PRKAR1A: variants seen among roughly 807,000 people sequenced by gnomAD.
PRKAR1A encodes cAMP-dependent protein kinase type I-alpha regulatory subunit.
A neutral mutation model predicts 52.0 loss-of-function variants in PRKAR1A; 3 were observed. The ratio of observed to expected loss-of-function variants is 0.06; its 90% CI spans 0.03 to 0.15. The LOEUF (loss-of-function observed/expected upper bound fraction) is 0.15, where lower values mean the gene tolerates loss of function less well. Ranked by LOEUF, PRKAR1A falls within the 10% of genes least tolerant of loss-of-function variation. The pLI is 1.00. For missense variants in PRKAR1A, 240 were observed against 477.4 expected (o/e 0.50, Z 4.63); for synonymous variants, 188 against 168.4 (o/e 1.12, Z -0.90).
rs530631063 is a variant in PRKAR1A at position 68,517,979 on chromosome 17, G to A, written c.177+2403G>A. Reference sequence around the variant, plus strand: ...GGGAGTATAGACCCCGTGCAAATCCGAAATCCAACGAGGCAGTAATTAAAT... The same window carrying A: ...GGGAGTATAGACCCCGTGCAAATCCAAAATCCAACGAGGCAGTAATTAAAT... On this transcript the variant is annotated intron_variant, in intron 2 of 10. Coordinates refer to ENST00000589228, the MANE Select transcript of PRKAR1A (RefSeq NM_002734.5). Among the ~76,000 whole-genome samples the A allele has an allele frequency of 3.2e-4, 48 of 152,296 alleles. 1 individual carries two copies. The highest frequency in any genetic ancestry group is 1.9e-3 in the South Asian group (9 of 4,828).
At chr17:68,490,121 C>T in the PRKAR1A span, among the ~76,000 whole-genome samples, 4 of 152,208 alleles carry the variant, frequency 2.6e-5, no homozygotes, top group Admixed American at 1.3e-4. Context: ...TTGTTGATGA[C>T]GATGTCTGGT....
At chr17:68,498,060 G>A in the PRKAR1A span, among the ~76,000 whole-genome samples, 4 of 151,680 alleles carry the variant, frequency 2.6e-5, no homozygotes, top group African/African-American at 2.4e-5. Flanking sequence ...CTAAACACAG[G>A]TGTGATGGGG....
the PRKAR1A span, among the ~76,000 whole-genome samples, chr17:68,444,985 A>G: frequency 1.4e-5 from 2 of 142,376 alleles, no homozygotes; most frequent in Admixed American, 7.4e-5. Context: ...CAGTGGCGCA[A>G]TCTCAGCTCA....
chr17:68,551,053 G>GC (rs2086811907), intron 11 of PRKAR1A: 1 of 1,232,910 alleles, frequency 8.1e-7, no homozygotes, highest in Admixed American at 4.2e-5. Context: ...GGGTAACGTG[G>GC]CCCCTCTTGG....
intron 2 of PRKAR1A, among the ~76,000 whole-genome samples, chr17:68,517,772 C>T (rs1270987107): frequency 2.6e-5 from 4 of 152,214 alleles, no homozygotes; most frequent in African/African-American, 7.2e-5. Flanking sequence ...GCCTTTCCAA[C>T]AGTCCCTCAG....
At chr17:68,515,803 A>G (rs570252130) in intron 2 of PRKAR1A, 14 of 567,530 alleles carry the variant, frequency 2.5e-5, no homozygotes, top group African/African-American at 5.6e-5. Flanking sequence ...GTACTTGGCT[A>G]ATAAAGGGTT....
chr17:68,518,767 C>A (rs1460873108), intron 2 of PRKAR1A, among the ~76,000 whole-genome samples: 3 of 152,216 alleles, frequency 2.0e-5, no homozygotes, highest in Non-Finnish European at 4.4e-5. Flanking sequence ...GCTTGAATTT[C>A]TCCCCAGAAA....
chr17:68,457,201 T>TC, the PRKAR1A span: 1 of 970,780 alleles, frequency 1.0e-6, no homozygotes, highest in Non-Finnish European at 1.5e-6. Flanking sequence ...GATAACAAGA[T>TC]CCCAATGCGT....
chr17:68,481,908 C>T, the PRKAR1A span, among the ~76,000 whole-genome samples: 5 of 152,144 alleles, frequency 3.3e-5, no homozygotes, highest in African/African-American at 9.7e-5. Context: ...ATATGTGTGT[C>T]GAGTGCTTGC....
chr17:68,426,242 T>TAG, the PRKAR1A span: 2 of 669,002 alleles, frequency 3.0e-6, no homozygotes, highest in Non-Finnish European at 4.4e-6. Flanking sequence ...ACCTGGCGGG[T>TAG]GGGGAGCGGG....
At chr17:68,430,161 C>T in the PRKAR1A span, 3 of 1,611,550 alleles carry the variant, frequency 1.9e-6, no homozygotes, top group Non-Finnish European at 2.5e-6. Flanking sequence ...TTCTGGTCGA[C>T]TAGGGAGTAA....
At chr17:68,467,263 A>G in the PRKAR1A span, among the ~76,000 whole-genome samples, 2 of 152,194 alleles carry the variant, frequency 1.3e-5, no homozygotes, top group African/African-American at 4.8e-5. Flanking sequence ...TCTCTTGAGA[A>G]CACTCTGAAC....
chr17:68,453,503 G>T, the PRKAR1A span, among the ~76,000 whole-genome samples: 1 of 148,398 alleles, frequency 6.7e-6, no homozygotes, highest in Admixed American at 6.7e-5. Context: ...TTTTGAGAGG[G>T]AGTCTCGCTC....
intron 11 of PRKAR1A, among the ~76,000 whole-genome samples, chr17:68,547,616 C>T (rs2086630133): frequency 6.6e-6 from 1 of 152,238 alleles, no homozygotes; most frequent in Non-Finnish European, 1.5e-5. Context: ...CTGCTATCTT[C>T]CAAGTTTTCT....
downstream of PRKAR1A, chr17:68,536,088 A>G: frequency 2.2e-6 from 1 of 454,100 alleles, no homozygotes; most frequent in Admixed American, 2.3e-5. Context: ...AGAGACACAA[A>G]GTCCAGGGGC....
At chr17:68,440,194 A>C in the PRKAR1A span, among the ~76,000 whole-genome samples, 2 of 152,182 alleles carry the variant, frequency 1.3e-5, no homozygotes, top group African/African-American at 4.8e-5. Context: ...TTAGACAAGG[A>C]ATCCTGCCTT....
At chr17:68,495,138 C>T in the PRKAR1A span, among the ~76,000 whole-genome samples, 7 of 152,220 alleles carry the variant, frequency 4.6e-5, no homozygotes, top group South Asian at 4.2e-4. Context: ...GAGGTCCTCC[C>T]GCTTCAGCCT....
the PRKAR1A span, among the ~76,000 whole-genome samples, chr17:68,437,016 A>ATATATATG: frequency 6.9e-6 from 1 of 144,578 alleles, no homozygotes; most frequent in African/African-American, 2.6e-5. Context: ...ATATATATAT[A>ATATATATG]TGTGTGTGTG....
intron 11 of PRKAR1A, chr17:68,541,313 T>A (rs1184946146): frequency 6.1e-6 from 2 of 327,590 alleles, no homozygotes; most frequent in South Asian, 5.8e-5. Context: ...GCGCCACTCA[T>A]AGCACCTCCA....
Sources: gnomAD v4.1 joint callset for allele counts (sites outside exome capture counted in the v4.1 genomes callset) on GRCh38, gnomAD v4.1.1 for gene constraint, MANE v1.5 for transcripts, NCBI Gene and HGNC (gene_info 2026-07-23, HGNC 2026-07-21) for gene names.